Variants in ADAM32 observed in about 807,000 individuals in gnomAD.
ADAM32 encodes the protein ADAM metallopeptidase domain 32.
In ADAM32, 89 loss-of-function variants were observed where a neutral mutation model predicts 114.9. That is an observed-to-expected ratio of 0.77 (90% CI 0.65 to 0.92). ADAM32 has a LOEUF of 0.92. Among genes scored for constraint, ADAM32 ranks in the 40% least tolerant of loss-of-function variants. The pLI, the probability that ADAM32 is intolerant of heterozygous loss-of-function variation, is 0.00. For missense variants in ADAM32, 870 were observed against 932.8 expected (o/e 0.93, Z 0.88); for synonymous variants, 285 against 307.5 (o/e 0.93, Z 0.77).
intron 3 of ADAM32, among the ~76,000 whole-genome samples, chr8:39,138,188 TTATAC>T (rs1802919356): frequency 1.3e-5 from 2 of 152,220 alleles, no homozygotes; most frequent in Admixed American, 6.5e-5. Context: ...TCTTTTTTTA[TTATAC>T]TTTAAGTTCT....
intron 16 of ADAM32, among the ~76,000 whole-genome samples, chr8:39,241,821 A>G (rs955116450): frequency 3.3e-5 from 5 of 152,306 alleles, no homozygotes; most frequent in Admixed American, 6.5e-5. Flanking sequence ...TTGGTGATTA[A>G]CATTTGGGTC....
intron 1 of ADAM32, 33 bp from the exon 2 acceptor site, chr8:39,118,053 G>T (rs1047937697): frequency 5.5e-6 from 7 of 1,272,704 alleles, no homozygotes; most frequent in African/African-American, 1.6e-5. Context: ...TTAAGGCAAG[G>T]TTACTAACTT....
intron 1 of ADAM32, among the ~76,000 whole-genome samples, chr8:39,116,959 C>T (rs1840402710): frequency 6.6e-6 from 1 of 152,090 alleles, no homozygotes; most frequent in African/African-American, 2.4e-5. Context: ...TCTTGGCTCA[C>T]TGTAATCTCT....
intron 6 of ADAM32, among the ~76,000 whole-genome samples, chr8:39,160,390 A>G: frequency 6.6e-6 from 1 of 152,096 alleles, no homozygotes; most frequent in East Asian, 1.9e-4. Context: ...AATACAAAAA[A>G]TTAGCCCGGC....
intron 10 of ADAM32, among the ~76,000 whole-genome samples, chr8:39,177,836 C>A (rs866472722): frequency 6.6e-6 from 1 of 152,226 alleles, no homozygotes; most frequent in Non-Finnish European, 1.5e-5. Context: ...TGAATATTGG[C>A]CCCCAATCTC....
chr8:39,185,316 AC>A (rs1806155849), intron 10 of ADAM32, among the ~76,000 whole-genome samples: 1 of 148,416 alleles, frequency 6.7e-6, no homozygotes, highest in Non-Finnish European at 1.5e-5. Flanking sequence ...GATCCATTGC[AC>A]TATGCTACTG....
intron 19 of ADAM32, among the ~76,000 whole-genome samples, chr8:39,264,471 C>T (rs1812231092): frequency 6.6e-6 from 1 of 152,068 alleles, no homozygotes; most frequent in Non-Finnish European, 1.5e-5. Context: ...AGCTAGTGGT[C>T]TATCAATCTT....
chr8:39,164,656 C>T, intron 7 of ADAM32, 108 bp from the exon 8 acceptor site: 2 of 719,686 alleles, frequency 2.8e-6, no homozygotes, highest in South Asian at 5.1e-5. Flanking sequence ...TTATTTTGAA[C>T]TGTTGAAACC....
intron 2 of ADAM32, 32 bp from the exon 3 acceptor site, chr8:39,136,625 G>C (rs373613021): frequency 4.3e-6 from 6 of 1,380,794 alleles, no homozygotes; most frequent in Non-Finnish European, 4.9e-6. Flanking sequence ...TATTAAATTT[G>C]TCTTCACTCT....
intron 3 of ADAM32, among the ~76,000 whole-genome samples, chr8:39,141,067 T>C (rs933878413): frequency 3.1e-4 from 47 of 152,218 alleles, no homozygotes; most frequent in Non-Finnish European, 1.0e-4. Context: ...TGCATCTATT[T>C]GATTCTTCTC....
chr8:39,182,899 A>G (rs1157315821), intron 10 of ADAM32, among the ~76,000 whole-genome samples: 2 of 152,134 alleles, frequency 1.3e-5, no homozygotes, highest in Non-Finnish European at 2.9e-5. Context: ...TCTGGATGCC[A>G]TTGGTTACAA....
At chr8:39,164,049 A>G (rs1804679764) in intron 7 of ADAM32, among the ~76,000 whole-genome samples, 1 of 152,192 alleles carries the variant, frequency 6.6e-6, no homozygotes, top group African/African-American at 2.4e-5. Flanking sequence ...ATGGTATTAC[A>G]TAGGTAGCCT....
rs373718588 is a variant in ADAM32 at position 39,274,310 on chromosome 8, A to G, written c.2202-2A>G. ...GAGACATTGCTTTCAATTTTTTTTT[A>G]GATCCAGCTCAGAAGGCAGCACTCA... is the stretch of plus-strand genomic sequence containing the variant. On this transcript the variant is annotated splice_acceptor_variant, in intron 20 of 24. Coordinates refer to ENST00000379907, the MANE Select transcript of ADAM32 (RefSeq NM_145004.7). LOFTEE classifies it high-confidence loss of function. The G allele has an allele frequency of 3.7e-6, 6 of 1,612,916 alleles. No individual in the cohort carries two copies. Among genetic ancestry groups the G allele is most frequent in the South Asian group, 1.1e-5 (1 of 90,864 alleles).
At chr8:39,156,930 A>G (rs960228987) in intron 6 of ADAM32, among the ~76,000 whole-genome samples, 1 of 152,220 alleles carries the variant, frequency 6.6e-6, no homozygotes, top group Non-Finnish European at 1.5e-5. Context: ...TCTTTAACAT[A>G]TGAATTTTAC....
chr8:39,240,799 A>C (rs750860921), intron 16 of ADAM32, among the ~76,000 whole-genome samples: 14 of 152,214 alleles, frequency 9.2e-5, no homozygotes, highest in Non-Finnish European at 1.6e-4. Flanking sequence ...TGGGAATTCA[A>C]GATGAGATTT....
chr8:39,231,761 A>T lies in ADAM32; in HGVS notation c.1526-266A>T. Among the ~76,000 whole-genome samples, 2 of 152,078 alleles carry T rather than the reference A, an allele frequency of 1.3e-5. 1 individual carries two copies. The highest frequency in any genetic ancestry group is 2.9e-5 in the Non-Finnish European group (2 of 67,986). On this transcript the variant is annotated intron_variant, in intron 14 of 24. Coordinates refer to ENST00000379907, the MANE Select transcript of ADAM32 (RefSeq NM_145004.7). ...ATATCTCTATTGCTTTCTTTCACAGAGCCCTCTTCTAGTTGACACTTCTAT... is the reference window on the plus strand; with the variant it reads ...ATATCTCTATTGCTTTCTTTCACAGTGCCCTCTTCTAGTTGACACTTCTAT...
chr8:39,108,938 T>C (rs1298626717), intron 1 of ADAM32, among the ~76,000 whole-genome samples: 1 of 152,180 alleles, frequency 6.6e-6, no homozygotes, highest in African/African-American at 2.4e-5. Context: ...TCTCATCTTA[T>C]AAGGGCATGA....
intron 19 of ADAM32, among the ~76,000 whole-genome samples, chr8:39,268,094 T>G (rs1324027189): frequency 6.6e-6 from 1 of 152,242 alleles, no homozygotes; most frequent in Non-Finnish European, 1.5e-5. Context: ...ATATATGCTT[T>G]CCTTCTCTTG....
At chr8:39,261,418 T>C (rs1209157003) in intron 19 of ADAM32, among the ~76,000 whole-genome samples, 3 of 152,140 alleles carry the variant, frequency 2.0e-5, no homozygotes, top group Non-Finnish European at 4.4e-5. Context: ...CTAAATGATA[T>C]TCCATTGTGT....
Sources: allele counts gnomAD v4.1 joint callset (sites outside exome capture counted in the v4.1 genomes callset), GRCh38; gene constraint gnomAD v4.1.1; transcripts MANE v1.5; gene names NCBI Gene and HGNC (gene_info 2026-07-23, HGNC 2026-07-21).